Variants in DQX1 observed in about 807,000 individuals in gnomAD.
DQX1 encodes DEAQ-box RNA dependent ATPase 1, also known as ATP-dependent RNA helicase homolog DQX1.
DQX1 carries 66 observed loss-of-function variants against 81.3 expected under a neutral mutation model. The ratio of observed to expected loss-of-function variants is 0.81; its 90% CI spans 0.67 to 1.00. DQX1 has a LOEUF of 1.00. Ranked by LOEUF, DQX1 falls within the 50% of genes least tolerant of loss-of-function variation. The pLI is 0.00. For synonymous variants in DQX1, 290 were observed against 350.0 expected, an observed-to-expected ratio of 0.83 and a Z score of 1.91; for missense variants, 798 against 867.9, an observed-to-expected ratio of 0.92 and a Z score of 1.01.
At position 74,518,381 on chromosome 2, in the gene DQX1, G is replaced by C. The variant is rs571842202; in HGVS notation, c.*65C>G. On this transcript the variant is annotated 3_prime_UTR_variant, in exon 12 of 12. Coordinates refer to ENST00000404568, the MANE Select transcript of DQX1 (RefSeq NM_133637.3). ...CTTCTAAATCTGTCTGGGTGCTTTG[G>C]TGTCACCCTGAGGGATAATCTAATG... 6.4e-7 allele frequency: 1 copy of C among 1,567,826 alleles called. No individual in the cohort carries two copies. Among genetic ancestry groups the C allele is most frequent in the Admixed American group, 1.7e-5 (1 of 57,218 alleles).
chr2:74,524,414 GA>G, intron 3 of DQX1, 107 bp from the exon 4 acceptor site: 1 of 1,446,700 alleles, frequency 6.9e-7, no homozygotes, highest in Non-Finnish European at 9.2e-7. Context: ...TTGAAGGTCA[GA>G]AAAATATGCT....
rs1675168022 is a variant in DQX1 at position 74,525,905 on chromosome 2, A to C, written c.-19-157T>G. Among the ~76,000 whole-genome samples the C allele has an allele frequency of 6.6e-6, 1 of 152,236 alleles. No homozygotes were observed. The highest frequency in any genetic ancestry group is 6.5e-5 in the Admixed American group (1 of 15,292). On this transcript the variant is annotated intron_variant, in intron 1 of 11. Transcript: ENST00000404568. This position sits in a 1 kb window ranked among gnomAD's most constrained non-coding sequence, Gnocchi z 4.1. ...AGGAAACAGTGCTAGGTATTTTGAT[A>C]AAGGGCTACTGAGAGTTAGTCGACA...
At position 74,524,037 on chromosome 2, in the gene DQX1, G is replaced by A. The variant is rs767532410; in HGVS notation, c.702C>T (p.Pro234=). 2 of 1,614,204 alleles carry A rather than the reference G, an allele frequency of 1.2e-6. No homozygotes were observed. The highest frequency in any genetic ancestry group is 4.5e-5 in the East Asian group (2 of 44,890). The change falls in exon 4 of 12, where the codon CCC becomes CCT. Residue 234 remains proline (P), a synonymous_variant. Transcript: ENST00000404568. Reference sequence around the variant, plus strand: ...CAGGTGGGATGGTGTCCCAGTAGATGGGGGAAGGTCTCTCACCAGGCTCTC... The same window carrying A: ...CAGGTGGGATGGTGTCCCAGTAGATAGGGGAAGGTCTCTCACCAGGCTCTC... ...IPREPGERPS[P]IYWDTIPPDR... is the part of the protein sequence containing the mutation.
At chr2:74,523,793 A>G (rs1433007414) in intron 4 of DQX1, 130 bp downstream of exon 4, 8 of 1,345,024 alleles carry the variant, frequency 5.9e-6, no homozygotes, top group Non-Finnish European at 7.9e-6. Context: ...GAGAGTAAAT[A>G]CTGCAACTCT....
chr2:74,518,426 C>T lies in DQX1; in HGVS notation c.*20G>A, dbSNP rs771205787. 67 of 1,613,170 alleles carry T rather than the reference C, an allele frequency of 4.2e-5. No homozygotes were observed. The Admixed American group carries it at 1.1e-3, about 26-fold the overall frequency. Reference sequence around the variant, plus strand: ...CTAATGTGATGAGATGAACCCAGCTCCATTCCATAGGCAGGCAGGTCACTG... The same window carrying T: ...CTAATGTGATGAGATGAACCCAGCTTCATTCCATAGGCAGGCAGGTCACTG... On this transcript the variant is annotated 3_prime_UTR_variant, in exon 12 of 12. Transcript: ENST00000404568.
At chr2:74,524,666 A>T (rs1461829286) in intron 3 of DQX1, among the ~76,000 whole-genome samples, 1 of 152,054 alleles carries the variant, frequency 6.6e-6, no homozygotes, top group Non-Finnish European at 1.5e-5. Flanking sequence ...TGGGAGACCG[A>T]GGTGGGTGGA....
chr2:74,519,150 GCAGCAGTATGAGGAGAGCTGGGCCA>G lies in DQX1; in HGVS notation c.1862_1886del (p.Val621AlafsTer48). 6.2e-7 allele frequency: 1 copy of G among 1,613,602 alleles called. No homozygotes were observed. Among genetic ancestry groups the G allele is most frequent in the Non-Finnish European group, 8.5e-7 (1 of 1,179,734 alleles). The stretch of plus-strand genomic sequence containing the variant: ...TGGCAGGAGCTCTGCGGCTTCGGTA[GCAGCAGTATGAGGAGAGCTGGGCCA>G]CATGCTTATGGGTTAGGAGAAGGTA... On this transcript the variant is annotated frameshift_variant, in exon 11 of 12. Coordinates refer to ENST00000404568, the MANE Select transcript of DQX1 (RefSeq NM_133637.3). LOFTEE classifies it high-confidence loss of function.
chr2:74,521,563 T>G (rs541437681), intron 8 of DQX1, among the ~76,000 whole-genome samples: 1 of 151,740 alleles, frequency 6.6e-6, no homozygotes, highest in South Asian at 2.1e-4. Flanking sequence ...GGCATGAGAA[T>G]TGCTTGAACC....
intron 8 of DQX1, among the ~76,000 whole-genome samples, chr2:74,522,175 AG>A (rs2104338082): frequency 6.6e-6 from 1 of 152,310 alleles, no homozygotes; most frequent in East Asian, 1.9e-4. Flanking sequence ...AGGGTTCAAA[AG>A]TATCCACTGG....
In DQX1 at chr2:74,519,900, G is replaced by A. The variant is rs372690839; in HGVS notation, c.1615+15C>T. ...TTGGAAAATCTGGGATTCTATAAAAGGATGCAGAACTCACTTTGTATAAAG... is the reference window on the plus strand; with the variant it reads ...TTGGAAAATCTGGGATTCTATAAAAAGATGCAGAACTCACTTTGTATAAAG... On this transcript the variant is annotated intron_variant, in intron 9 of 11. Transcript: ENST00000404568. 7.0e-4 allele frequency: 1,119 copies of A among 1,609,044 alleles called. 2 individuals are homozygous for A. The highest frequency in any genetic ancestry group is 9.2e-4 in the Non-Finnish European group (1,084 of 1,176,618).
At chr2:74,520,102 G>A in intron 8 of DQX1, 68 bp from the exon 9 acceptor site, 1 of 1,567,578 alleles carries the variant, frequency 6.4e-7, no homozygotes, top group Non-Finnish European at 8.7e-7. Flanking sequence ...AGTACAGGTA[G>A]AATGCTGAAA....
At position 74,525,653 on chromosome 2, in the gene DQX1, A is replaced by G. The variant is rs1352468509; in HGVS notation, c.77T>C (p.Phe26Ser). The change falls in exon 2 of 12, where the codon TTT becomes TCT. Residue 26 changes from phenylalanine (F) to serine (S), a missense_variant. Phe to Ser is a radical substitution (Grantham distance 155, BLOSUM62 -2). Coordinates refer to ENST00000404568, the MANE Select transcript of DQX1 (RefSeq NM_133637.3). This position sits in a 1 kb window ranked among gnomAD's most constrained non-coding sequence, Gnocchi z 4.1. ...GCGGGAAGAGAAGGGAAGCCCATCA[A>G]AGGGGTTCACAGCCAGTTCAGACTC... ...PGESELAVNP[F>S]DGLPFSSRYY... The G allele has an allele frequency of 9.0e-6, 14 of 1,551,778 alleles. No individual in the cohort carries two copies. The highest frequency in any genetic ancestry group is 1.1e-5 in the Non-Finnish European group (13 of 1,147,014).
rs759375518 is a variant in DQX1, at chr2:74,518,132, T to C, written c.*314A>G. ...GGCACTGCAGGACCAAACTAAAACT[T>C]GGCATCATAGAAAAATCTTTTATAG... On this transcript the variant is annotated 3_prime_UTR_variant, in exon 12 of 12. Transcript: ENST00000404568. 6 of 263,930 alleles carry C rather than the reference T, an allele frequency of 2.3e-5. No individual in the cohort carries two copies. The highest frequency in any genetic ancestry group is 4.3e-5 in the Non-Finnish European group (6 of 139,356). 16.3% of individuals were successfully genotyped at this position (263,930 alleles called of 1,614,324 possible).
rs1675064609 is a variant in DQX1 at position 74,522,848 on chromosome 2, G to A, written c.1303+8C>T. On this transcript the variant is annotated splice_region_variant and intron_variant, in intron 7 of 11. Coordinates refer to ENST00000404568, the MANE Select transcript of DQX1 (RefSeq NM_133637.3). Reference sequence around the variant, plus strand: ...AGATGGCAGTGCTTGGGCAGGAGAGGTGCTCACCAGGCTGGTCCAGGAAGT... The same window carrying A: ...AGATGGCAGTGCTTGGGCAGGAGAGATGCTCACCAGGCTGGTCCAGGAAGT... The A allele has an allele frequency of 1.2e-6, 2 of 1,612,916 alleles. No individual in the cohort carries two copies. The highest frequency in any genetic ancestry group is 1.7e-5 in the Admixed American group (1 of 59,986).
intron 11 of DQX1, 33 bp downstream of exon 11, chr2:74,519,007 T>C (rs1269627261): frequency 6.6e-7 from 1 of 1,510,866 alleles, no homozygotes; most frequent in East Asian, 2.3e-5. Context: ...GGGAGAGGAA[T>C]AGGCAGTATA....
At position 74,518,535 on chromosome 2, in the gene DQX1, T is replaced by G. The variant is rs1674945243; in HGVS notation, c.2065A>C (p.Asn689His). 39 of 1,614,086 alleles carry G rather than the reference T, an allele frequency of 2.4e-5. No homozygotes were observed. The highest frequency in any genetic ancestry group is 3.2e-5 in the Non-Finnish European group (38 of 1,180,036). The change falls in exon 12 of 12, where the codon AAC becomes CAC. Residue 689 changes from asparagine (N) to histidine (H), a missense_variant. Asn to His is a moderately conservative substitution (Grantham distance 68). Coordinates refer to ENST00000404568, the MANE Select transcript of DQX1 (RefSeq NM_133637.3). ...TCTGCCATTCCTTCCCTTAGCTGGT[T>G]CAGAAGGTCTCTGCTCTCACTGGGA... is the stretch of plus-strand genomic sequence containing the variant. ...LPPSESRDLL[N>H]QLREGMADST... is the part of the protein sequence containing the mutation.
rs757286710 is a variant in DQX1, at chr2:74,523,922, C to T, written c.816+1G>A. The T allele has an allele frequency of 1.3e-6, 2 of 1,564,864 alleles. No homozygotes were observed. Among genetic ancestry groups the T allele is most frequent in the Non-Finnish European group, 1.7e-6 (2 of 1,156,194 alleles). On this transcript the variant is annotated splice_donor_variant, in intron 4 of 11. Coordinates refer to ENST00000404568, the MANE Select transcript of DQX1 (RefSeq NM_133637.3). LOFTEE classifies it high-confidence loss of function. The stretch of plus-strand genomic sequence containing the variant: ...TTTTTTTGTTTTGTTTTGTTTTTTA[C>T]CTCCTCACTGGGCAGGAACACTAGC...
At position 74,518,355 on chromosome 2, in the gene DQX1, G is replaced by A. The variant is rs1674940748; in HGVS notation, c.*91C>T. On this transcript the variant is annotated 3_prime_UTR_variant, in exon 12 of 12. Coordinates refer to ENST00000404568, the MANE Select transcript of DQX1 (RefSeq NM_133637.3). ...GTTTACATTTGACCCTAAACTTTGG[G>A]CTTCTAAATCTGTCTGGGTGCTTTG... The A allele has an allele frequency of 6.7e-7, 1 of 1,486,652 alleles. No homozygotes were observed. Among genetic ancestry groups the A allele is most frequent in the Non-Finnish European group, 9.1e-7 (1 of 1,099,322 alleles). 92.1% of individuals were successfully genotyped at this position (1,486,652 alleles called of 1,614,324 possible).
intron 11 of DQX1, 142 bp downstream of exon 11, chr2:74,518,898 A>T: frequency 1.1e-6 from 1 of 940,016 alleles, no homozygotes. Context: ...ACTTCTCACC[A>T]GCCCTTCCAC....
Sources: allele counts gnomAD v4.1 joint callset (sites outside exome capture counted in the v4.1 genomes callset), GRCh38; gene constraint gnomAD v4.1.1; non-coding constraint Gnocchi (gnomAD v3.1); transcripts MANE v1.5; gene names NCBI Gene and HGNC (gene_info 2026-07-23, HGNC 2026-07-21).